The following LRP6 variants were observed in gnomAD, a reference collection of about 807,000 sequenced individuals.
LRP6 encodes LDL receptor related protein 6, also known as low-density lipoprotein receptor-related protein 6.
LRP6 carries 43 observed loss-of-function variants against 184.1 expected under a neutral mutation model. The observed-to-expected ratio is 0.23, with a 90% CI of 0.18 to 0.30. LRP6 has a LOEUF of 0.30. LRP6 is among the 10% of genes least tolerant of loss of function. LRP6 has a pLI of 1.00. For synonymous variants in LRP6, 719 were observed against 684.9 expected (o/e 1.05, Z -0.78); for missense variants, 1,571 against 2,005.3 (o/e 0.78, Z 4.14).
Position 12,266,712 on chromosome 12 carries a change from G to A in LRP6, c.24C>T (p.Leu8=), listed in dbSNP as rs767388877. The part of the protein sequence containing the change: MGAVLRS[L]LACSFCVLLR... Reference sequence around the variant, plus strand: ...GGAGCACACAGAAGCTGCAGGCCAGGAGGCTCCTCAGGACGGCCCCCATCT... The same window carrying A: ...GGAGCACACAGAAGCTGCAGGCCAGAAGGCTCCTCAGGACGGCCCCCATCT... Residue 8 remains leucine (L), a synonymous_variant, in exon 1 of 23, where the codon CTC becomes CTT. Coordinates refer to ENST00000261349, the MANE Select transcript of LRP6 (RefSeq NM_002336.3). The A allele has an allele frequency of 6.2e-7, 1 of 1,613,788 alleles. No homozygotes were observed. The highest frequency in any genetic ancestry group is 1.3e-5 in the African/African-American group (1 of 75,012).
intron 2 of LRP6, among the ~76,000 whole-genome samples, chr12:12,206,352 C>G (rs1401518324): frequency 2.6e-5 from 4 of 151,652 alleles, no homozygotes; most frequent in Admixed American, 2.6e-4. Context: ...ACCATCCTGG[C>G]TAACACGGTG....
rs1949876999 is a variant in LRP6 at position 12,138,409 on chromosome 12, G to A, written c.3523C>T (p.Arg1175Ter). The A allele has an allele frequency of 2.5e-6, 4 of 1,613,970 alleles. No individual in the cohort carries two copies. The highest frequency in any genetic ancestry group is 3.4e-6 in the Non-Finnish European group (4 of 1,179,984). The stretch of plus-strand genomic sequence containing the variant: ...GCTTGGACTTTGGTTCTACCCTCTC[G>A]ACCTGTCATGTCAATTTTTTCAATC... ...QMIEKIDMTG[R>*]EGRTKVQARI... Residue 1175 changes from arginine to a stop codon, truncating the protein, a stop_gained, in exon 16 of 23, where the codon CGA becomes TGA. Transcript: ENST00000261349. LOFTEE classifies it high-confidence loss of function.
rs1865790405 is a variant in LRP6 at position 12,266,985 on chromosome 12, C to T, written c.-250G>A. Reference sequence around the variant, plus strand: ...ATCCCGCCGCCTCCTCCCCCGGCGCCCCGCTTCCCCCGCGCAGCTCCTCAT... The same window carrying T: ...ATCCCGCCGCCTCCTCCCCCGGCGCTCCGCTTCCCCCGCGCAGCTCCTCAT... On this transcript the variant is annotated 5_prime_UTR_variant, in exon 1 of 23. Coordinates refer to ENST00000261349, the MANE Select transcript of LRP6 (RefSeq NM_002336.3). 9.4e-6 allele frequency: 5 copies of T among 532,288 alleles called. No individual in the cohort carries two copies. The highest frequency in any genetic ancestry group is 2.3e-5 in the South Asian group (1 of 42,706). The allele number at this position is 532,288 out of a possible 1,614,324, so 33.0% of individuals were successfully genotyped here.
At chr12:12,179,016 C>T (rs1470190380) in intron 7 of LRP6, among the ~76,000 whole-genome samples, 9 of 152,054 alleles carry the variant, frequency 5.9e-5, no homozygotes, top group Admixed American at 5.9e-4. Context: ...GTGAAGTTTC[C>T]CCCAAAGGAA....
intron 10 of LRP6, among the ~76,000 whole-genome samples, chr12:12,161,602 T>C (rs1862743626): frequency 6.6e-6 from 1 of 152,178 alleles, no homozygotes; most frequent in Non-Finnish European, 1.5e-5. Context: ...GAATTTTTCT[T>C]TAGATTTCAG....
intron 16 of LRP6, 49 bp from the exon 17 acceptor site, chr12:12,135,349 G>A: frequency 1.5e-6 from 2 of 1,330,470 alleles, no homozygotes; most frequent in South Asian, 1.2e-5. Flanking sequence ...AGTGGAGGGG[G>A]AGAGAAGTGG....
rs771488860 is a variant in LRP6, at chr12:12,263,266, T to TA, written c.55+3414dup. Among the ~76,000 whole-genome samples, 128 of 44,424 alleles carry TA rather than the reference T, an allele frequency of 2.9e-3. 1 individual carries two copies. The East Asian group carries it at 0.056, about 19-fold the overall frequency. The allele number at this position is 44,424 out of a possible 152,430, so 29.1% of individuals were successfully genotyped here. ...AGCAACAAGAGCGAAACTCTGTCTT[T>TA]AAAAAAAAAAAAAGAATGTGTGAAT... On this transcript the variant is annotated intron_variant, in intron 1 of 22. Coordinates refer to ENST00000261349, the MANE Select transcript of LRP6 (RefSeq NM_002336.3).
chr12:12,144,726 T>A (rs1392346092), intron 15 of LRP6, among the ~76,000 whole-genome samples: 2 of 144,680 alleles, frequency 1.4e-5, no homozygotes, highest in Non-Finnish European at 3.0e-5. Flanking sequence ...TGGAATACTA[T>A]GCAACCATAA....
Position 12,135,045 on chromosome 12 carries a change from T to C in LRP6, c.3733+130A>G, listed in dbSNP as rs375376028. The C allele has an allele frequency of 4.6e-6, 6 of 1,296,434 alleles. 1 individual carries two copies. The highest frequency in any genetic ancestry group is 4.4e-5 in the African/African-American group (3 of 68,618). The allele number at this position is 1,296,434 out of a possible 1,614,324, so 80.3% of individuals were successfully genotyped here. ...ACAGAAAAGCCTAGTACAATACAAATGAATGGAACACACGCAACCAATTAA... is the reference window on the plus strand; with the variant it reads ...ACAGAAAAGCCTAGTACAATACAAACGAATGGAACACACGCAACCAATTAA... On this transcript the variant is annotated intron_variant, in intron 17 of 22. Transcript: ENST00000261349.
At chr12:12,124,868 A>T (rs932052209) in intron 21 of LRP6, among the ~76,000 whole-genome samples, 1 of 152,212 alleles carries the variant, frequency 6.6e-6, no homozygotes, top group Non-Finnish European at 1.5e-5. Context: ...TAAAAAGTGC[A>T]AAGTGACAAA....
intron 1 of LRP6, among the ~76,000 whole-genome samples, chr12:12,257,812 T>G (rs202221727): frequency 2.5e-4 from 17 of 67,320 alleles, no homozygotes; most frequent in Non-Finnish European, 4.1e-4. Flanking sequence ...AAAAAAAAAT[T>G]AAAAATGAGC....
intron 3 of LRP6, among the ~76,000 whole-genome samples, chr12:12,188,382 A>C (rs1863531231): frequency 6.6e-6 from 1 of 152,156 alleles, no homozygotes; most frequent in Non-Finnish European, 1.5e-5. Flanking sequence ...GAGGAAGGGA[A>C]AGAAAAATGA....
In LRP6 at chr12:12,254,829, G is replaced by C. The variant is rs79617783; in HGVS notation, c.56-10174C>G. On this transcript the variant is annotated intron_variant, in intron 1 of 22. Transcript: ENST00000261349. The stretch of plus-strand genomic sequence containing the variant: ...AATTAAGCAAGATCACTTCCCGGCA[G>C]GCTCAAAAATCCTAGAATATTTTGG... 3.0e-3 allele frequency among the ~76,000 whole-genome samples: 463 copies of C among 152,218 alleles called. 3 individuals carry two copies. The highest frequency in any genetic ancestry group is 0.01 in the African/African-American group (436 of 41,538).
chr12:12,122,443 G>A (rs1949618004), intron 22 of LRP6, among the ~76,000 whole-genome samples: 1 of 152,100 alleles, frequency 6.6e-6, no homozygotes, highest in Non-Finnish European at 1.5e-5. Context: ...AACACCTAGT[G>A]ATACAGAGCA....
At chr12:12,178,141 A>G (rs1379032823) in intron 7 of LRP6, among the ~76,000 whole-genome samples, 1 of 152,142 alleles carries the variant, frequency 6.6e-6, no homozygotes, top group Non-Finnish European at 1.5e-5. Context: ...TATTTAATCA[A>G]TGTTATATAT....
chr12:12,119,027 T>TA lies in LRP6; in HGVS notation c.*2098dup, dbSNP rs1199049861. The stretch of plus-strand genomic sequence containing the variant: ...TCATTTAAGCATCAAGTGCCCTGTG[T>TA]ATCACAGAATCCAAGTTCAATGTCC... On this transcript the variant is annotated 3_prime_UTR_variant, in exon 23 of 23. Transcript: ENST00000261349. 1.3e-5 allele frequency: 2 copies of TA among 152,248 alleles called. No individual in the cohort carries two copies. Among genetic ancestry groups the TA allele is most frequent in the African/African-American group, 4.8e-5 (2 of 41,470 alleles). 9.4% of individuals were successfully genotyped at this position (152,248 alleles called of 1,614,324 possible). A position where few individuals can be genotyped will look rare whatever the true frequency, so the allele number is the denominator to read the frequency against.
chr12:12,195,355 C>T (rs927554976), intron 3 of LRP6, among the ~76,000 whole-genome samples: 7 of 151,882 alleles, frequency 4.6e-5, no homozygotes, highest in Admixed American at 3.3e-4. Context: ...CATTCTTGAC[C>T]GTATTATTTT....
Position 12,165,244 on chromosome 12 carries a change from G to A in LRP6, c.1597C>T (p.Pro533Ser). The change falls in exon 8 of 23, where the codon CCT becomes TCT. Residue 533 changes from proline to serine, a missense_variant. By Grantham distance (74) the Pro-to-Ser change is moderately conservative (BLOSUM62 -1). Transcript: ENST00000261349. ...GRRVLVEDKI[P>S]HIFGFTLLGD... The stretch of plus-strand genomic sequence containing the variant: ...AACAAAGTAAATCCAAATATGTGAG[G>A]AATTTTGTCTTCCACTAGTACTCGT... 1 of 1,614,068 alleles carries A rather than the reference G, an allele frequency of 6.2e-7. No homozygotes were observed. The highest frequency in any genetic ancestry group is 8.5e-7 in the Non-Finnish European group (1 of 1,179,992).
chr12:12,126,838 T>A lies in LRP6; in HGVS notation c.4165A>T (p.Thr1389Ser). 1 of 1,614,178 alleles carries A rather than the reference T, an allele frequency of 6.2e-7. No homozygotes were observed. The change falls in exon 20 of 23, where the codon ACT (threonine) becomes TCT (serine). Residue 1389 changes from threonine (T) to serine (S), a missense_variant. Physicochemically the swap from Thr to Ser is moderately conservative, Grantham distance 58. This residue lies in a region of LRP6 where 763 missense variants were observed against 859.5 expected (regional missense o/e 0.89). Transcript: ENST00000261349. ...GVIVTIFVSG[T>S]VYFICQRMLC... Reference sequence around the variant, plus strand: ...ATCCTCTGGCAGATAAAGTATACAGTTCCAGACACAAAAATGGTGACAATT... The same window carrying A: ...ATCCTCTGGCAGATAAAGTATACAGATCCAGACACAAAAATGGTGACAATT...
Sources: allele counts gnomAD v4.1 joint callset (sites outside exome capture counted in the v4.1 genomes callset), GRCh38; gene constraint gnomAD v4.1.1; regional missense constraint gnomAD v4.1.1; transcripts MANE v1.5; gene names NCBI Gene and HGNC (gene_info 2026-07-23, HGNC 2026-07-21).